The following MXRA7 variants were observed in gnomAD, a reference collection of about 807,000 sequenced individuals.
MXRA7 encodes the protein matrix remodeling associated 7, also known as matrix-remodeling-associated protein 7.
Under a neutral mutation model 17.4 loss-of-function variants are expected in MXRA7, and 18 were observed. The ratio of observed to expected loss-of-function variants is 1.03; its 90% CI spans 0.71 to 1.53. The LOEUF (loss-of-function observed/expected upper bound fraction) is 1.53. Ranked by LOEUF, MXRA7 falls within the 40% of genes most tolerant of loss-of-function variation. MXRA7 has a pLI of 0.00. For missense variants in MXRA7, 141 were observed against 209.3 expected, an observed-to-expected ratio of 0.67 and a Z score of 2.01; for synonymous variants, 70 against 101.7, an observed-to-expected ratio of 0.69 and a Z score of 1.87.
intron 1 of MXRA7, chr17:76,688,590 GC>G: frequency 1.6e-6 from 2 of 1,254,334 alleles, no homozygotes; most frequent in South Asian, 3.7e-5. Flanking sequence ...GGCCATCGCA[GC>G]CTCTGGCTTT....
chr17:76,692,568 T>G (rs1659159462), intron 1 of MXRA7, among the ~76,000 whole-genome samples: 1 of 151,294 alleles, frequency 6.6e-6, no homozygotes, highest in South Asian at 2.1e-4. Flanking sequence ...GTCTGATTTT[T>G]AAAAAGCTGT....
chr17:76,676,108 A>G (rs1388990788), downstream of MXRA7: 2 of 152,112 alleles, frequency 1.3e-5, no homozygotes, highest in East Asian at 1.9e-4. Context: ...TTGTATGTTC[A>G]CTCACAAAGA....
At chr17:76,686,405 G>A (rs1471688328) in intron 2 of MXRA7, among the ~76,000 whole-genome samples, 3 of 152,070 alleles carry the variant, frequency 2.0e-5, no homozygotes, top group Admixed American at 6.5e-5. Context: ...GCTTGAACCC[G>A]GGAGGCAGAG....
intron 1 of MXRA7, among the ~76,000 whole-genome samples, chr17:76,692,104 C>T (rs1409587179): frequency 2.0e-5 from 3 of 151,878 alleles, no homozygotes; most frequent in African/African-American, 2.4e-5. Flanking sequence ...AATCACAGCA[C>T]ATTGGGAGGC....
intron 1 of MXRA7, among the ~76,000 whole-genome samples, chr17:76,695,176 C>T (rs1450152235): frequency 6.6e-6 from 1 of 152,004 alleles, no homozygotes; most frequent in Non-Finnish European, 1.5e-5. Flanking sequence ...CAAAACAAAA[C>T]AAAATAAAAC....
intron 1 of MXRA7, chr17:76,689,983 C>T (rs2076460724): frequency 6.7e-6 from 1 of 149,218 alleles, no homozygotes; most frequent in South Asian, 2.1e-4. Context: ...TGCACTCCAG[C>T]CTAGTGACAC....
chr17:76,703,944 A>AG (rs202032191), intron 1 of MXRA7, among the ~76,000 whole-genome samples: 1,766 of 151,482 alleles, frequency 0.012, 31 homozygotes, highest in African/African-American at 0.041. Context: ...TCCAGAAAAC[A>AG]GCATCATAGC....
downstream of MXRA7, among the ~76,000 whole-genome samples, chr17:76,678,733 A>C (rs1598330663): frequency 6.6e-6 from 1 of 152,172 alleles, no homozygotes; most frequent in Non-Finnish European, 1.5e-5. Flanking sequence ...GCCCTGGGCC[A>C]CTGGCATCCC....
exon 4 of MXRA7, chr17:76,672,880 AAAAT>A (rs779669655): frequency 6.6e-6 from 1 of 152,200 alleles, no homozygotes; most frequent in Non-Finnish European, 1.5e-5. Context: ...CACCAAAAGA[AAAAT>A]AAGGTGACAA....
chr17:76,688,389 G>C (rs2076432109), intron 1 of MXRA7: 2 of 1,431,726 alleles, frequency 1.4e-6, no homozygotes, highest in Non-Finnish European at 1.8e-6. Context: ...ATGCTGAGCT[G>C]AGGCGTGTTC....
At chr17:76,693,876 A>G (rs1239135990) in intron 1 of MXRA7, among the ~76,000 whole-genome samples, 1 of 152,088 alleles carries the variant, frequency 6.6e-6, no homozygotes, top group Non-Finnish European at 1.5e-5. Flanking sequence ...ACAACAAAAA[A>G]CTTCTGGTGT....
chr17:76,685,337 T>C (rs893947321), intron 2 of MXRA7, among the ~76,000 whole-genome samples, 172 bp from the exon 3 acceptor site: 2 of 152,154 alleles, frequency 1.3e-5, no homozygotes, highest in African/African-American at 4.8e-5. Flanking sequence ...AGCTTTCCCT[T>C]AAATCCTACA....
chr17:76,707,748 T>G (rs751341156), intron 1 of MXRA7, among the ~76,000 whole-genome samples: 8 of 152,148 alleles, frequency 5.3e-5, no homozygotes, highest in Non-Finnish European at 1.0e-4. Flanking sequence ...CCATCCAGCC[T>G]TGCTCCAATC....
intron 1 of MXRA7, among the ~76,000 whole-genome samples, chr17:76,693,475 C>CAAAAAAAA (rs59677254): frequency 1.0e-5 from 1 of 98,632 alleles, no homozygotes; most frequent in Non-Finnish European, 1.9e-5. Context: ...AGATCTGTCT[C>CAAAAAAAA]AAAAAAAAAA....
intron 1 of MXRA7, among the ~76,000 whole-genome samples, chr17:76,696,953 G>A (rs1404093246): frequency 2.0e-5 from 3 of 152,134 alleles, no homozygotes; most frequent in Admixed American, 6.5e-5. Flanking sequence ...CTGCTCGAGC[G>A]CTGACTCAAA....
intron 3 of MXRA7, among the ~76,000 whole-genome samples, chr17:76,683,136 C>A (rs1050563246): frequency 6.6e-6 from 1 of 152,216 alleles, no homozygotes; most frequent in African/African-American, 2.4e-5. Flanking sequence ...TCCCCAGGGA[C>A]CTTCAAGGGC....
intron 3 of MXRA7, among the ~76,000 whole-genome samples, chr17:76,684,162 G>A (rs993169036): frequency 2.6e-5 from 4 of 152,168 alleles, no homozygotes; most frequent in Non-Finnish European, 4.4e-5. Flanking sequence ...GCTGCCCGGC[G>A]GGTGGCTTGG....
intron 1 of MXRA7, among the ~76,000 whole-genome samples, chr17:76,697,872 A>C (rs2076548445): frequency 6.6e-6 from 1 of 151,046 alleles, no homozygotes; most frequent in African/African-American, 2.4e-5. Context: ...GCGTGATGCA[A>C]AGTGCTGAAG....
intron 1 of MXRA7, among the ~76,000 whole-genome samples, chr17:76,707,261 C>G (rs1225797992): frequency 6.6e-6 from 1 of 150,380 alleles, no homozygotes; most frequent in Non-Finnish European, 1.5e-5. Context: ...TTCATGACAC[C>G]GGCCCACTGC....
Sources: gnomAD v4.1 joint callset for allele counts (sites outside exome capture counted in the v4.1 genomes callset) on GRCh38, gnomAD v4.1.1 for gene constraint, MANE v1.5 for transcripts, NCBI Gene and HGNC (gene_info 2026-07-23, HGNC 2026-07-21) for gene names.